NINL: variants seen among roughly 807,000 people sequenced by gnomAD.
The protein encoded by NINL is ninein like, also known as ninein-like protein.
NINL carries 153 observed loss-of-function variants against 160.3 expected under a neutral mutation model. The ratio of observed to expected loss-of-function variants is 0.95; its 90% CI spans 0.84 to 1.09. The LOEUF is 1.09. Among genes scored for constraint, NINL ranks in the 50% least tolerant of loss-of-function variants. The pLI, the probability that NINL is intolerant of heterozygous loss-of-function variation, is 0.00. For missense variants in NINL, 1,829 were observed against 1,764.0 expected (o/e 1.04, Z -0.66); for synonymous variants, 800 against 734.8 (o/e 1.09, Z -1.43).
intron 1 of NINL, among the ~76,000 whole-genome samples, chr20:25,577,620 A>C (rs1267886477): frequency 6.6e-6 from 1 of 152,178 alleles, no homozygotes; most frequent in African/African-American, 2.4e-5. Flanking sequence ...ATTGCACTAT[A>C]TTGACTGATG....
At chr20:25,462,565 C>T (rs769125275) in intron 19 of NINL, 24 bp from the exon 20 acceptor site, 4 of 1,577,792 alleles carry the variant, frequency 2.5e-6, no homozygotes, top group Non-Finnish European at 3.4e-6. Flanking sequence ...TTTTTAAATA[C>T]ATAAGAAAAA....
chr20:25,506,088 C>G (rs929324811), intron 5 of NINL, among the ~76,000 whole-genome samples: 1 of 152,090 alleles, frequency 6.6e-6, no homozygotes, highest in Non-Finnish European at 1.5e-5. Context: ...TTGGTGAAAC[C>G]CCGTCTCTAC....
rs2090579109 is a variant in NINL at position 25,453,380 on chromosome 20, G to A, written c.*71C>T. On this transcript the variant is annotated 3_prime_UTR_variant, in exon 24 of 24. Coordinates refer to ENST00000278886, the MANE Select transcript of NINL (RefSeq NM_025176.6). The stretch of plus-strand genomic sequence containing the variant: ...CAGGACTCATGGCTCATGACCCACG[G>A]AATCTAAGGCAGCACAGTGGCTTAA... The A allele has an allele frequency of 7.2e-7, 1 of 1,381,988 alleles. No homozygotes were observed. Among genetic ancestry groups the A allele is most frequent in the Non-Finnish European group, 1.0e-6 (1 of 1,004,572 alleles). The allele number at this position is 1,381,988 out of a possible 1,614,324, so 85.6% of individuals were successfully genotyped here.
intron 1 of NINL, among the ~76,000 whole-genome samples, chr20:25,546,814 G>T (rs537715187): frequency 1.3e-5 from 2 of 151,164 alleles, no homozygotes; most frequent in South Asian, 4.3e-4. Context: ...CCTCAGGTCA[G>T]CTGGGCTGCT....
At chr20:25,481,600 C>T (rs535697303) in intron 14 of NINL, among the ~76,000 whole-genome samples, 1 of 152,356 alleles carries the variant, frequency 6.6e-6, no homozygotes, top group South Asian at 2.1e-4. Flanking sequence ...TAAGCCCCGA[C>T]AGCCTCTGTC....
intron 1 of NINL, among the ~76,000 whole-genome samples, chr20:25,577,326 G>A (rs1406134698): frequency 6.6e-6 from 1 of 152,142 alleles, no homozygotes; most frequent in Non-Finnish European, 1.5e-5. Context: ...CTCCTGTGTT[G>A]GAGACCTGGC....
At chr20:25,525,630 G>A (rs1220911669) in intron 2 of NINL, among the ~76,000 whole-genome samples, 1 of 152,160 alleles carries the variant, frequency 6.6e-6, no homozygotes, top group African/African-American at 2.4e-5. Context: ...CTCCAGCCTG[G>A]ATGACAAAGT....
intron 16 of NINL, 144 bp from the exon 17 acceptor site, chr20:25,477,233 G>A: frequency 1.3e-6 from 1 of 776,300 alleles, no homozygotes; most frequent in Non-Finnish European, 2.0e-6. Context: ...CCTCAGCCCT[G>A]GCTTCAACCT....
chr20:25,500,967 A>C lies in NINL; in HGVS notation c.905T>G (p.Leu302Arg). Reference protein sequence around the residue: ...SGCHTTTTSSLVSLCSSLRLF... With the variant: ...SGCHTTTTSSRVSLCSSLRLF... ...GCGCAGGCTGGAGCACAGGGACACG[A>C]GGGATGAGGTTGTGGTGGTGTGGCA... Residue 302 changes from leucine to arginine, a missense_variant, in exon 8 of 24, where the codon CTC becomes CGC. Physicochemically the swap from Leu to Arg is moderately radical, Grantham distance 102. Coordinates refer to ENST00000278886, the MANE Select transcript of NINL (RefSeq NM_025176.6). 1.2e-6 allele frequency: 2 copies of C among 1,614,176 alleles called. No individual in the cohort carries two copies. Among genetic ancestry groups the C allele is most frequent in the Non-Finnish European group, 8.5e-7 (1 of 1,180,034 alleles).
chr20:25,517,932 C>G, intron 2 of NINL, 83 bp from the exon 3 acceptor site: 1 of 779,656 alleles, frequency 1.3e-6, no homozygotes, highest in African/African-American at 1.8e-5. Context: ...GATTTTCTCT[C>G]AGATAGAAAT....
chr20:25,466,048 C>T (rs1601012335), intron 19 of NINL, among the ~76,000 whole-genome samples: 1 of 152,142 alleles, frequency 6.6e-6, no homozygotes, highest in African/African-American at 2.4e-5. Context: ...TTATGAGAGA[C>T]AGGGTCTCAC....
chr20:25,487,737 C>T (rs1601113197), intron 13 of NINL, among the ~76,000 whole-genome samples: 2 of 152,208 alleles, frequency 1.3e-5, no homozygotes, highest in Non-Finnish European at 2.9e-5. Flanking sequence ...TGTTAATAAT[C>T]GACCCAACTC....
At chr20:25,460,606 A>G (rs1322162164) in intron 21 of NINL, among the ~76,000 whole-genome samples, 1 of 152,172 alleles carries the variant, frequency 6.6e-6, no homozygotes, top group African/African-American at 2.4e-5. Context: ...TGCCTCAAAT[A>G]GGCAGAGCAC....
At chr20:25,453,705 G>GCT (rs2090593128) in intron 23 of NINL, 63 bp from the exon 24 acceptor site, 2 of 1,447,308 alleles carry the variant, frequency 1.4e-6, no homozygotes, top group South Asian at 2.7e-5. Flanking sequence ...AGATCAGCCT[G>GCT]CTCTCTTTTA....
At chr20:25,482,272 CAT>C (rs1335138991) in intron 13 of NINL, among the ~76,000 whole-genome samples, 172 bp from the exon 14 acceptor site, 1 of 152,244 alleles carries the variant, frequency 6.6e-6, no homozygotes, top group Admixed American at 6.5e-5. Context: ...TCGCTAACAT[CAT>C]GGTGAGATAA....
chr20:25,561,685 G>A (rs1411086684), intron 1 of NINL, among the ~76,000 whole-genome samples: 15 of 141,064 alleles, frequency 1.1e-4, no homozygotes, highest in Admixed American at 2.8e-4. Context: ...CTGCCCCGCC[G>A]CCCCGTCTGG....
intron 22 of NINL, among the ~76,000 whole-genome samples, chr20:25,456,760 G>A (rs931069486): frequency 2.7e-5 from 4 of 150,266 alleles, no homozygotes; most frequent in African/African-American, 7.3e-5. Context: ...GTGAAATCCC[G>A]TCTCTACCAA....
intron 5 of NINL, among the ~76,000 whole-genome samples, chr20:25,506,132 G>C (rs366060): frequency 0.027 from 4,117 of 152,220 alleles, 180 homozygotes; most frequent in African/African-American, 0.09. Flanking sequence ...TGTGATGGCA[G>C]CCGCCTGGAA....
At position 25,475,438 on chromosome 20, in the gene NINL, G is replaced by C. The variant is rs1186376017; in HGVS notation, c.3248+605C>G. 5.9e-5 allele frequency among the ~76,000 whole-genome samples: 9 copies of C among 152,234 alleles called. No individual in the cohort carries two copies. In the East Asian group the frequency reaches 1.7e-3, roughly 29 times the overall value. ...ATTACTTGATACCAAAGCCAGACAA[G>C]GACACTACAGTCCAGAAAAGAAAAC... On this transcript the variant is annotated intron_variant, in intron 17 of 23. Transcript: ENST00000278886.
Sources: gnomAD v4.1 joint callset for allele counts (sites outside exome capture counted in the v4.1 genomes callset) on GRCh38, gnomAD v4.1.1 for gene constraint, MANE v1.5 for transcripts, NCBI Gene and HGNC (gene_info 2026-07-23, HGNC 2026-07-21) for gene names.